The following LOC128092252 variants were observed in gnomAD, a reference collection of about 807,000 sequenced individuals.
chr15:50,662,371 TAAGTA>T, the LOC128092252 span, among the ~76,000 whole-genome samples: 3 of 151,996 alleles, frequency 2.0e-5, no homozygotes, highest in Admixed American at 1.3e-4. Flanking sequence ...CAAAAATGTT[TAAGTA>T]AATATTTCAT....
chr15:50,658,037 C>T, the LOC128092252 span, among the ~76,000 whole-genome samples: 1 of 147,586 alleles, frequency 6.8e-6, no homozygotes, highest in East Asian at 2.0e-4. Flanking sequence ...CAGAGTCTCG[C>T]TCTGTTGCCC....
chr15:50,649,272 A>G, the LOC128092252 span, among the ~76,000 whole-genome samples: 1 of 152,078 alleles, frequency 6.6e-6, no homozygotes. Context: ...CCCTGACTTG[A>G]CAAAAAATTT....
chr15:50,665,627 C>T, the LOC128092252 span, among the ~76,000 whole-genome samples: 146,430 of 152,302 alleles, frequency 0.96, 70,411 homozygotes, highest in East Asian at 1. Flanking sequence ...ATTCTATGCA[C>T]TTGAAAACCT....
the LOC128092252 span, among the ~76,000 whole-genome samples, chr15:50,649,870 T>C: frequency 6.6e-6 from 1 of 152,082 alleles, no homozygotes; most frequent in African/African-American, 2.4e-5. Context: ...GTTCCAAGTA[T>C]CTGCAGAAGG....
At chr15:50,683,533 G>A in the LOC128092252 span, among the ~76,000 whole-genome samples, 1 of 151,880 alleles carries the variant, frequency 6.6e-6, no homozygotes, top group African/African-American at 2.4e-5. Context: ...TCAGGAGTTT[G>A]AGACCAGCCT....
At chr15:50,685,209 TC>T in the LOC128092252 span, among the ~76,000 whole-genome samples, 1 of 152,212 alleles carries the variant, frequency 6.6e-6, no homozygotes, top group African/African-American at 2.4e-5. Flanking sequence ...ACGCCTGTAA[TC>T]CCAGGACTTT....
chr15:50,686,556 G>A, the LOC128092252 span: 2 of 1,609,854 alleles, frequency 1.2e-6, no homozygotes, highest in Middle Eastern at 1.7e-4. Context: ...GCGGACTCCG[G>A]AAGGGCAGCA....
At chr15:50,682,173 C>CAAAAAAAAAAAAAAAAAA in the LOC128092252 span, among the ~76,000 whole-genome samples, 90 of 63,648 alleles carry the variant, frequency 1.4e-3, 4 homozygotes, top group Non-Finnish European at 2.0e-3. Flanking sequence ...AACTCAGTCT[C>CAAAAAAAAAAAAAAAAAA]AAAAAAAAAA....
At chr15:50,674,203 G>A in the LOC128092252 span, among the ~76,000 whole-genome samples, 1 of 152,088 alleles carries the variant, frequency 6.6e-6, no homozygotes, top group Admixed American at 6.5e-5. Context: ...TGACCAGGCT[G>A]GTCTCAAACC....
At chr15:50,655,967 C>T in the LOC128092252 span, among the ~76,000 whole-genome samples, 1 of 150,618 alleles carries the variant, frequency 6.6e-6, no homozygotes, top group Admixed American at 6.7e-5. Context: ...GCCATCTAGC[C>T]TGGGCAACAG....
At chr15:50,674,268 C>T in the LOC128092252 span, among the ~76,000 whole-genome samples, 477 of 152,002 alleles carry the variant, frequency 3.1e-3, no homozygotes, top group African/African-American at 0.011. Context: ...GGATTACAGG[C>T]GTGAGCCACC....
At chr15:50,656,499 C>CT in the LOC128092252 span, among the ~76,000 whole-genome samples, 490 of 133,492 alleles carry the variant, frequency 3.7e-3, 2 homozygotes, top group Non-Finnish European at 4.8e-3. Flanking sequence ...GTGTGGTTTT[C>CT]TTTTTTTTTT....
chr15:50,660,055 A>G, the LOC128092252 span, among the ~76,000 whole-genome samples: 5 of 152,326 alleles, frequency 3.3e-5, no homozygotes, highest in African/African-American at 9.6e-5. Context: ...TGAACTAAGG[A>G]GGCTTAAATA....
At chr15:50,652,328 C>CAAAAAAAAAAAAAAAA in the LOC128092252 span, among the ~76,000 whole-genome samples, 2 of 34,230 alleles carry the variant, frequency 5.8e-5, no homozygotes, top group Non-Finnish European at 4.7e-5. Context: ...GACTCCATCT[C>CAAAAAAAAAAAAAAAA]AAAAAAAAAA....
the LOC128092252 span, among the ~76,000 whole-genome samples, chr15:50,659,384 A>G: frequency 1.6e-4 from 25 of 152,316 alleles, no homozygotes; most frequent in African/African-American, 5.3e-4. Flanking sequence ...AGGTAAACTT[A>G]TAGCTAAAGC....
chr15:50,682,173 C>CAAAAAAAAAACAAA, the LOC128092252 span, among the ~76,000 whole-genome samples: 9 of 63,680 alleles, frequency 1.4e-4, no homozygotes, highest in East Asian at 2.9e-3. Flanking sequence ...AACTCAGTCT[C>CAAAAAAAAAACAAA]AAAAAAAAAA....
chr15:50,670,741 G>A, the LOC128092252 span, among the ~76,000 whole-genome samples: 2 of 148,646 alleles, frequency 1.3e-5, no homozygotes, highest in Non-Finnish European at 3.0e-5. Context: ...AACCTATGGG[G>A]TAACCATTCT....
chr15:50,659,613 T>C, the LOC128092252 span, among the ~76,000 whole-genome samples: 4 of 152,196 alleles, frequency 2.6e-5, no homozygotes, highest in East Asian at 3.8e-4. Context: ...ATTATTTCTA[T>C]TGCAAAGTGG....
At chr15:50,653,898 T>C in the LOC128092252 span, among the ~76,000 whole-genome samples, 2 of 152,102 alleles carry the variant, frequency 1.3e-5, no homozygotes, top group African/African-American at 2.4e-5. Context: ...CTGGAAGACA[T>C]AGCAGTTTTA....
Sources: allele counts gnomAD v4.1 joint callset (sites outside exome capture counted in the v4.1 genomes callset), GRCh38; gene constraint gnomAD v4.1.1; transcripts MANE v1.5.